SDK1: variants seen among roughly 807,000 people sequenced by gnomAD.
SDK1 encodes the protein protein sidekick-1.
Under a neutral mutation model 245.5 loss-of-function variants are expected in SDK1, and 157 were observed. The observed-to-expected ratio is 0.64, with a 90% CI of 0.56 to 0.73. SDK1 has a LOEUF of 0.73. Among genes scored for constraint, SDK1 ranks in the 30% least tolerant of loss-of-function variants. The probability of loss-of-function intolerance (pLI) is 0.00; values close to 1 mark genes in which losing one functional copy is unlikely to be tolerated. For synonymous variants in SDK1, 1,647 were observed against 1,278.5 expected, an observed-to-expected ratio of 1.29 and a Z score of -6.15; for missense variants, 3,583 against 3,002.3, an observed-to-expected ratio of 1.19 and a Z score of -4.52.
chr7:4,104,480 T>C (rs1302838404), intron 22 of SDK1, among the ~76,000 whole-genome samples: 1 of 152,222 alleles, frequency 6.6e-6, no homozygotes, highest in Non-Finnish European at 1.5e-5. Flanking sequence ...TCATAGAAGA[T>C]TGTAAGTTGC....
intron 1 of SDK1, among the ~76,000 whole-genome samples, chr7:3,481,528 G>C (rs59663820): frequency 0.022 from 3,279 of 152,316 alleles, 125 homozygotes; most frequent in African/African-American, 0.074. Flanking sequence ...TACCAACTGG[G>C]TCCAGCCAGT....
At chr7:3,944,410 G>A (rs529730522) in intron 5 of SDK1, among the ~76,000 whole-genome samples, 21 of 152,210 alleles carry the variant, frequency 1.4e-4, no homozygotes, top group Non-Finnish European at 2.8e-4. Flanking sequence ...GGCCTTATTC[G>A]TTGGTATATG....
chr7:3,840,090 A>G (rs1182702837), intron 5 of SDK1, among the ~76,000 whole-genome samples: 1 of 152,240 alleles, frequency 6.6e-6, no homozygotes, highest in Non-Finnish European at 1.5e-5. Context: ...ACAGTACACT[A>G]GAAATTAAAA....
intron 2 of SDK1, among the ~76,000 whole-genome samples, chr7:3,630,027 G>A (rs560507815): frequency 4.6e-5 from 7 of 152,212 alleles, no homozygotes; most frequent in African/African-American, 1.4e-4. Context: ...CAGGAAACTA[G>A]ACATCACAGA....
chr7:3,685,577 T>A (rs1271288562), intron 4 of SDK1, among the ~76,000 whole-genome samples: 1 of 152,156 alleles, frequency 6.6e-6, no homozygotes, highest in African/African-American at 2.4e-5. Context: ...TCTGTTGAGG[T>A]TCATATGTGA....
At chr7:4,258,236 C>G (rs989678625) in intron 44 of SDK1, among the ~76,000 whole-genome samples, 2 of 152,182 alleles carry the variant, frequency 1.3e-5, no homozygotes, top group Non-Finnish European at 2.9e-5. Context: ...TGGACATGCT[C>G]TTGGAAATGT....
At chr7:4,210,491 C>T (rs180903410) in intron 38 of SDK1, among the ~76,000 whole-genome samples, 7 of 152,260 alleles carry the variant, frequency 4.6e-5, no homozygotes, top group East Asian at 1.9e-4. Flanking sequence ...CTATTCCTCC[C>T]GAGATGTTTG....
At chr7:4,134,990 G>A (rs979725221) in intron 28 of SDK1, among the ~76,000 whole-genome samples, 3 of 152,164 alleles carry the variant, frequency 2.0e-5, no homozygotes, top group Admixed American at 1.3e-4. Context: ...GACTCACGCC[G>A]ATGTCCTCTG....
chr7:3,383,057 ATGT>A, intron 1 of SDK1, among the ~76,000 whole-genome samples: 1 of 152,282 alleles, frequency 6.6e-6, no homozygotes, highest in East Asian at 1.9e-4. Context: ...TACTAATAAA[ATGT>A]TGTCTTGAAT....
At chr7:3,520,442 G>T (rs948740764) in intron 1 of SDK1, among the ~76,000 whole-genome samples, 1 of 152,196 alleles carries the variant, frequency 6.6e-6, no homozygotes, top group African/African-American at 2.4e-5. Flanking sequence ...GTACACAGCT[G>T]TCGAACTCTG....
intron 4 of SDK1, among the ~76,000 whole-genome samples, chr7:3,707,170 A>T (rs1784915408): frequency 6.6e-6 from 1 of 152,060 alleles, no homozygotes; most frequent in African/African-American, 2.4e-5. Flanking sequence ...ATCTTTCAGA[A>T]TTTTTTGTGG....
At chr7:3,895,371 C>T (rs1412893989) in intron 5 of SDK1, among the ~76,000 whole-genome samples, 1 of 152,210 alleles carries the variant, frequency 6.6e-6, no homozygotes, top group Non-Finnish European at 1.5e-5. Flanking sequence ...TCCAGCCAGA[C>T]ATCCATGTAT....
intron 1 of SDK1, among the ~76,000 whole-genome samples, chr7:3,322,556 C>A (rs1302887323): frequency 6.6e-6 from 1 of 152,148 alleles, no homozygotes; most frequent in South Asian, 2.1e-4. Context: ...CCACCAAACT[C>A]TCTCCCACAG....
chr7:3,680,966 C>A (rs532594116), intron 4 of SDK1, among the ~76,000 whole-genome samples: 1 of 152,254 alleles, frequency 6.6e-6, no homozygotes, highest in East Asian at 1.9e-4. Flanking sequence ...CCTCAGCCTC[C>A]GGAGTAGCTG....
intron 5 of SDK1, among the ~76,000 whole-genome samples, chr7:3,914,301 C>A (rs1363536847): frequency 1.3e-5 from 2 of 152,162 alleles, no homozygotes; most frequent in Non-Finnish European, 2.9e-5. Context: ...CATGTCAAAT[C>A]TTTTCAATGT....
chr7:3,464,311 G>T (rs1780922994), intron 1 of SDK1, among the ~76,000 whole-genome samples: 1 of 152,114 alleles, frequency 6.6e-6, no homozygotes, highest in African/African-American at 2.4e-5. Flanking sequence ...ATTGCTTGAG[G>T]CCGGGAGTTC....
chr7:3,537,885 T>C (rs1429618641), intron 1 of SDK1, among the ~76,000 whole-genome samples: 2 of 152,198 alleles, frequency 1.3e-5, no homozygotes, highest in Non-Finnish European at 2.9e-5. Flanking sequence ...TCTCCCTGTT[T>C]TCAGTGAGGC....
intron 5 of SDK1, among the ~76,000 whole-genome samples, chr7:3,824,938 T>C (rs893182955): frequency 6.6e-6 from 1 of 152,184 alleles, no homozygotes; most frequent in Non-Finnish European, 1.5e-5. Flanking sequence ...TCTGAACCGA[T>C]ATTCCTGTAG....
intron 1 of SDK1, among the ~76,000 whole-genome samples, chr7:3,597,041 CAGG>C (rs1781089836): frequency 6.6e-6 from 1 of 152,030 alleles, no homozygotes; most frequent in Non-Finnish European, 1.5e-5. Context: ...GAGGCCGAGG[CAGG>C]CGGATCATGA....
Sources: allele counts gnomAD v4.1 joint callset (sites outside exome capture counted in the v4.1 genomes callset), GRCh38; gene constraint gnomAD v4.1.1; transcripts MANE v1.5; gene names NCBI Gene and HGNC (gene_info 2026-07-23, HGNC 2026-07-21).